Variants in BIRC6 observed in about 807,000 individuals in gnomAD.
BIRC6 encodes dual E2 ubiquitin-conjugating enzyme/E3 ubiquitin-protein ligase BIRC6.
In BIRC6, 98 loss-of-function variants were observed where a neutral mutation model predicts 503.3. That is an observed-to-expected ratio of 0.19 (90% CI 0.17 to 0.23). The LOEUF is 0.23. Ranked by LOEUF, BIRC6 falls within the 10% of genes least tolerant of loss-of-function variation. The pLI is 1.00. For missense variants in BIRC6, 5,360 were observed against 5,806.0 expected, an observed-to-expected ratio of 0.92 and a Z score of 2.50; for synonymous variants, 2,240 against 2,078.7, an observed-to-expected ratio of 1.08 and a Z score of -2.11.
At chr2:32,358,254 C>G (rs2033491429) in intron 1 of BIRC6, among the ~76,000 whole-genome samples, 1 of 152,178 alleles carries the variant, frequency 6.6e-6, no homozygotes, top group South Asian at 2.1e-4. Flanking sequence ...TAACTTCAGG[C>G]TGTCTCTACT....
At position 32,478,772 on chromosome 2, in the gene BIRC6, T is replaced by C. The variant is rs1221320506; in HGVS notation, c.7206T>C (p.Ala2402=). The change falls in exon 36 of 74, where the codon GCT becomes GCC. Residue 2402 remains alanine, a synonymous_variant. Coordinates refer to ENST00000421745, the MANE Select transcript of BIRC6 (RefSeq NM_016252.4). Reference sequence around the variant, plus strand: ...GAGGAGATATATCTTGGGGTGGTGCTTGGGCTCAGTATTCCTTAACTTGCA... The same window carrying C: ...GAGGAGATATATCTTGGGGTGGTGCCTGGGCTCAGTATTCCTTAACTTGCA... The part of the protein sequence containing the change: ...FNRGDISWGG[A]WAQYSLTCML... 4.3e-6 allele frequency: 7 copies of C among 1,613,710 alleles called. No homozygotes were observed. The African/African-American group carries it at 9.3e-5, about 22-fold the overall frequency.
chr2:32,600,732 T>C (rs192596515), intron 70 of BIRC6, among the ~76,000 whole-genome samples: 73 of 152,354 alleles, frequency 4.8e-4, no homozygotes, highest in Non-Finnish European at 9.7e-4. Context: ...CTTAAATTAA[T>C]GGTCTTTTAC....
intron 54 of BIRC6, 127 bp downstream of exon 54, chr2:32,513,281 C>T (rs921600745): frequency 1.5e-6 from 1 of 671,894 alleles, no homozygotes; most frequent in Admixed American, 3.0e-5. Context: ...CAAATATAAT[C>T]AAGTATACTT....
At position 32,607,605 on chromosome 2, in the gene BIRC6, C is replaced by A. The variant is rs913840813; in HGVS notation, c.14221C>A (p.Leu4741Ile). ...ACAAGCAACAGTTAAGTGGGCAATGCTAGAACAAATCAGAAACCCTTCACC... is the reference window on the plus strand; with the variant it reads ...ACAAGCAACAGTTAAGTGGGCAATGATAGAACAAATCAGAAACCCTTCACC... Reference protein sequence around the residue: ...IRQATVKWAMLEQIRNPSPCF... With the variant: ...IRQATVKWAMIEQIRNPSPCF... Residue 4741 changes from leucine (L) to isoleucine (I), a missense_variant, in exon 72 of 74, where the codon CTA (leucine) becomes ATA (isoleucine). Physicochemically the swap from Leu to Ile is conservative, Grantham distance 5. Transcript: ENST00000421745. 3 of 1,612,450 alleles carry A rather than the reference C, an allele frequency of 1.9e-6. No individual in the cohort carries two copies. The African/African-American group carries it at 4.0e-5, about 22-fold the overall frequency.
rs1269902763 is a variant in BIRC6 at position 32,377,732 on chromosome 2, A to G, written c.470A>G (p.Gln157Arg). The change falls in exon 2 of 74, where the codon CAG becomes CGG. Residue 157 changes from glutamine (Q) to arginine (R), a missense_variant. Transcript: ENST00000421745. ...DTALQTPVSK[Q>R]DDVVQLELPV... ...GCTCTGCAAACTCCAGTTTCAAAGCAGGATGATGTGGTTCAGCTTGAATTA... is the reference window on the plus strand; with the variant it reads ...GCTCTGCAAACTCCAGTTTCAAAGCGGGATGATGTGGTTCAGCTTGAATTA... 6.2e-7 allele frequency: 1 copy of G among 1,613,610 alleles called. No homozygotes were observed. Among genetic ancestry groups the G allele is most frequent in the African/African-American group, 1.3e-5 (1 of 74,924 alleles).
intron 57 of BIRC6, 117 bp from the exon 58 acceptor site, chr2:32,524,771 A>T (rs1338781017): frequency 1.4e-5 from 10 of 710,736 alleles, no homozygotes; most frequent in African/African-American, 1.9e-5. Context: ...AAATTCCTTT[A>T]TATTGCCTTA....
intron 10 of BIRC6, among the ~76,000 whole-genome samples, chr2:32,422,026 T>C (rs2043000823): frequency 1.3e-5 from 2 of 152,248 alleles, no homozygotes; most frequent in African/African-American, 4.8e-5. Context: ...AATTGTTACA[T>C]CGTTCTGATG....
chr2:32,477,470 C>G lies in BIRC6; in HGVS notation c.6955C>G (p.Leu2319Val), dbSNP rs779232805. The G allele has an allele frequency of 6.2e-7, 1 of 1,613,992 alleles. No homozygotes were observed. Among genetic ancestry groups the G allele is most frequent in the Non-Finnish European group, 8.5e-7 (1 of 1,179,876 alleles). The change falls in exon 35 of 74, where the codon CTT (leucine) becomes GTT (valine). Residue 2319 changes from leucine (L) to valine (V), a missense_variant. Leu to Val is a conservative substitution (Grantham distance 32). Transcript: ENST00000421745. ...AAAAGAAAGTCCTGAGATAGAACCA[C>G]TTCCATTTACTCTGGCCCATGAGCG... ...TAKESPEIEP[L>V]PFTLAHERCI...
chr2:32,364,759 T>G (rs75105331), intron 1 of BIRC6, among the ~76,000 whole-genome samples: 1 of 106,326 alleles, frequency 9.4e-6, no homozygotes, highest in African/African-American at 3.5e-5. Flanking sequence ...AGATCGGGTG[T>G]TTTTTTTTTT....
At chr2:32,517,573 A>T (rs139495819) in intron 55 of BIRC6, among the ~76,000 whole-genome samples, 1 of 151,974 alleles carries the variant, frequency 6.6e-6, no homozygotes, top group African/African-American at 2.4e-5. Flanking sequence ...AAGGCTTTAT[A>T]TACATTTTGG....
chr2:32,556,829 C>G (rs2058813980), intron 65 of BIRC6, among the ~76,000 whole-genome samples: 1 of 152,018 alleles, frequency 6.6e-6, no homozygotes, highest in Non-Finnish European at 1.5e-5. Context: ...GTCCCAGCTA[C>G]TTGGGAGGTT....
At chr2:32,450,870 T>C (rs1574303567) in intron 22 of BIRC6, among the ~76,000 whole-genome samples, 1 of 152,240 alleles carries the variant, frequency 6.6e-6, no homozygotes, top group Non-Finnish European at 1.5e-5. Context: ...GTACTTCTTA[T>C]ACTGTATTGT....
intron 41 of BIRC6, among the ~76,000 whole-genome samples, chr2:32,488,328 C>T (rs994080881): frequency 2.0e-5 from 3 of 151,998 alleles, no homozygotes; most frequent in African/African-American, 7.2e-5. Flanking sequence ...CTTGAATCAC[C>T]TGTTTTAATT....
In BIRC6 at chr2:32,388,776, T is replaced by A; in HGVS notation, c.672T>A (p.Pro224=). Residue 224 remains proline (P), a synonymous_variant, in exon 4 of 74, where the codon CCT becomes CCA. Coordinates refer to ENST00000421745, the MANE Select transcript of BIRC6 (RefSeq NM_016252.4). The part of the protein sequence containing the change: ...AKWATVTFHL[P]HHVLKSIASA... The stretch of plus-strand genomic sequence containing the variant: ...GGGCCACAGTTACATTTCATCTTCC[T>A]CATCATGTGTTGAAGTCCATTGCCA... 6.2e-7 allele frequency: 1 copy of A among 1,605,948 alleles called. No individual in the cohort carries two copies. Among genetic ancestry groups the A allele is most frequent in the East Asian group, 2.2e-5 (1 of 44,534 alleles).
rs1305238370 is a variant in BIRC6 at position 32,515,330 on chromosome 2, A to C, written c.10909A>C (p.Arg3637=). Residue 3637 remains arginine (R), a synonymous_variant, in exon 55 of 74, where the codon AGG becomes CGG. Transcript: ENST00000421745. The stretch of plus-strand genomic sequence containing the variant: ...CTCAGGTTTGCCTTCTCTTCTTGTG[A>C]GGAGTCTGGCTAGTTTCTGCTTTAG... ...LDSGLPSLLV[R]SLASFCFSHI... 2 of 1,613,864 alleles carry C rather than the reference A, an allele frequency of 1.2e-6. No homozygotes were observed. Among genetic ancestry groups the C allele is most frequent in the Non-Finnish European group, 1.7e-6 (2 of 1,179,890 alleles).
intron 4 of BIRC6, among the ~76,000 whole-genome samples, 190 bp downstream of exon 4, chr2:32,389,133 T>A (rs1196698925): frequency 6.6e-6 from 1 of 152,224 alleles, no homozygotes; most frequent in African/African-American, 2.4e-5. Flanking sequence ...GCTACTTGAA[T>A]TGCTATTTTT....
Position 32,415,113 on chromosome 2 carries a change from A to G in BIRC6, c.1822A>G (p.Thr608Ala). 2 of 1,613,958 alleles carry G rather than the reference A, an allele frequency of 1.2e-6. No homozygotes were observed. The highest frequency in any genetic ancestry group is 1.7e-6 in the Non-Finnish European group (2 of 1,179,858). Residue 608 changes from threonine (T) to alanine (A), a missense_variant, in exon 10 of 74, where the codon ACT becomes GCT. By Grantham distance (58) the Thr-to-Ala change is moderately conservative (BLOSUM62 0). Transcript: ENST00000421745. ...QGESISEQGSTDNESCTNSEL... is the reference protein window; with the variant it reads ...QGESISEQGSADNESCTNSEL... ...TGAAAGTATATCAGAACAAGGGTCA[A>G]CTGACAATGAATCCTGCACTAATTC...
At chr2:32,562,509 GT>G (rs2059266218) in intron 65 of BIRC6, among the ~76,000 whole-genome samples, 1 of 152,160 alleles carries the variant, frequency 6.6e-6, no homozygotes. Context: ...AGTTGTGTGG[GT>G]TTTGACAAAT....
chr2:32,500,167 T>G lies in BIRC6; in HGVS notation c.9031+58T>G, dbSNP rs2052983179. The G allele has an allele frequency of 9.2e-6, 13 of 1,412,506 alleles. No homozygotes were observed. In the South Asian group the frequency reaches 1.8e-4, roughly 19 times the overall value. 87.5% of individuals were successfully genotyped at this position (1,412,506 alleles called of 1,614,324 possible). On this transcript the variant is annotated intron_variant, in intron 46 of 73. Coordinates refer to ENST00000421745, the MANE Select transcript of BIRC6 (RefSeq NM_016252.4). Reference sequence around the variant, plus strand: ...CTCTGATACTATAACTGGTTTTTTTTTAAGCAATATATGGATTCATTTTCT... The same window carrying G: ...CTCTGATACTATAACTGGTTTTTTTGTAAGCAATATATGGATTCATTTTCT...
Sources: gnomAD v4.1 joint callset for allele counts (sites outside exome capture counted in the v4.1 genomes callset) on GRCh38, gnomAD v4.1.1 for gene constraint, MANE v1.5 for transcripts, NCBI Gene and HGNC (gene_info 2026-07-23, HGNC 2026-07-21) for gene names.